Variants in APOOL observed in about 807,000 individuals in gnomAD.
APOOL encodes MICOS complex subunit MIC27.
APOOL carries 12 observed loss-of-function variants against 23.1 expected under a neutral mutation model. The ratio of observed to expected loss-of-function variants is 0.52; its 90% confidence interval spans 0.33 to 0.84. APOOL has a LOEUF of 0.84. APOOL is among the 40% of genes least tolerant of loss of function. The probability of loss-of-function intolerance (pLI) is 0.02; values close to 1 mark genes in which losing one functional copy is unlikely to be tolerated. For synonymous variants in APOOL, 77 were observed against 69.9 expected (o/e 1.10, Z -0.51); for missense variants, 212 against 199.6 (o/e 1.06, Z -0.37).
chrX:85,014,280 A>G (rs1921390219), intron 1 of APOOL, among the ~76,000 whole-genome samples: 1 of 111,163 alleles, frequency 9.0e-6, no homozygotes, highest in Non-Finnish European at 1.9e-5. Context: ...GCCATTCTTT[A>G]TGTTTTAAGT....
intron 8 of APOOL, chrX:85,080,473 T>C (rs1355215522): frequency 8.9e-6 from 1 of 111,988 alleles, no homozygotes; most frequent in Non-Finnish European, 1.9e-5. Flanking sequence ...TTGTGATTTC[T>C]GTTCTTTTAC....
chrX:85,024,233 A>G (rs1689693104), intron 1 of APOOL, among the ~76,000 whole-genome samples: 1 of 111,873 alleles, frequency 8.9e-6, no homozygotes, highest in Non-Finnish European at 1.9e-5. Flanking sequence ...TCACAGTTCA[A>G]GGAGCTTGAG....
chrX:85,015,682 C>T (rs2147473929), intron 1 of APOOL, among the ~76,000 whole-genome samples: 1 of 108,951 alleles, frequency 9.2e-6, no homozygotes, highest in South Asian at 3.9e-4. Context: ...GATTCTCCTG[C>T]CTCAGCCTCC....
In APOOL at chrX:85,059,624, G is replaced by A. The variant is rs756008324; in HGVS notation, c.394+3699G>A. 3.9e-4 allele frequency among the ~76,000 whole-genome samples: 43 copies of A among 109,574 alleles called. No individual in the cohort carries two copies. The East Asian group carries it at 0.012, about 31-fold the overall frequency. ...GGTTTTGATTTGCATTTCTCTGATGGCCAGTGATGATGAGCATTTTTTCAT... is the reference window on the plus strand; with the variant it reads ...GGTTTTGATTTGCATTTCTCTGATGACCAGTGATGATGAGCATTTTTTCAT... On this transcript the variant is annotated intron_variant, in intron 5 of 8. Transcript: ENST00000373173.
intron 1 of APOOL, among the ~76,000 whole-genome samples, chrX:85,020,822 G>A (rs770102811): frequency 9.0e-6 from 1 of 111,701 alleles, no homozygotes; most frequent in East Asian, 2.8e-4. Flanking sequence ...GATACAGCCT[G>A]AAAGCCCACC....
At chrX:85,046,226 G>T (rs1171472352) in intron 1 of APOOL, 1 of 304,645 alleles carries the variant, frequency 3.3e-6, no homozygotes, top group African/African-American at 2.8e-5. Flanking sequence ...TTCTTATGAA[G>T]TAGTTAACAA....
chrX:85,017,849 C>T (rs1400091252), intron 1 of APOOL, among the ~76,000 whole-genome samples: 1 of 112,115 alleles, frequency 8.9e-6, no homozygotes, highest in Non-Finnish European at 1.9e-5. Context: ...GGCAGGTTTT[C>T]ACCCTCTCTC....
At chrX:85,022,371 T>G (rs1921696900) in intron 1 of APOOL, among the ~76,000 whole-genome samples, 1 of 111,636 alleles carries the variant, frequency 9.0e-6, no homozygotes, top group Non-Finnish European at 1.9e-5. Flanking sequence ...AACAGCACAT[T>G]AAAATAATCG....
intron 1 of APOOL, among the ~76,000 whole-genome samples, chrX:85,014,037 A>AT (rs1252499068): frequency 9.0e-5 from 10 of 110,958 alleles, no homozygotes; most frequent in Non-Finnish European, 7.6e-5. Flanking sequence ...AGACTGTGAT[A>AT]TTTTCCTGTT....
rs993853051 is a variant in APOOL, at chrX:85,089,678, G to A, written c.*2000G>A. 1.8e-5 allele frequency: 2 copies of A among 110,995 alleles called. No individual in the cohort carries two copies. The highest frequency in any genetic ancestry group is 3.3e-5 in the African/African-American group (1 of 30,499). The allele number at this position is 110,995 out of a possible 1,213,427, so 9.1% of individuals were successfully genotyped here. On this transcript the variant is annotated 3_prime_UTR_variant, in exon 9 of 9. Coordinates refer to ENST00000373173, the MANE Select transcript of APOOL (RefSeq NM_198450.6). ...ACCCCCATATCTCTCTAGTGCTGTAGACCTTTATTTCTACTTACTAGTTAT... is the reference window on the plus strand; with the variant it reads ...ACCCCCATATCTCTCTAGTGCTGTAAACCTTTATTTCTACTTACTAGTTAT...
At chrX:85,044,617 C>T (rs1186999058) in intron 1 of APOOL, among the ~76,000 whole-genome samples, 1 of 111,048 alleles carries the variant, frequency 9.0e-6, no homozygotes, top group Admixed American at 9.6e-5. Flanking sequence ...GCCATACTGC[C>T]TCCTCAATAA....
At chrX:85,044,493 C>G (rs1224885370) in intron 1 of APOOL, among the ~76,000 whole-genome samples, 6 of 110,330 alleles carry the variant, frequency 5.4e-5, no homozygotes, top group Non-Finnish European at 1.1e-4. Context: ...GTTGGTCAGG[C>G]TGGTCTTGAA....
intron 1 of APOOL, among the ~76,000 whole-genome samples, chrX:85,016,614 G>T (rs1057092440): frequency 9.6e-6 from 1 of 104,610 alleles, no homozygotes; most frequent in African/African-American, 3.4e-5. Flanking sequence ...CATTCCTCTA[G>T]GCTGCGTTCC....
intron 1 of APOOL, among the ~76,000 whole-genome samples, chrX:85,035,783 T>C (rs1434781917): frequency 9.0e-6 from 1 of 111,111 alleles, no homozygotes; most frequent in Non-Finnish European, 1.9e-5. Flanking sequence ...TATTTCTGGG[T>C]TCTCCAACAT....
chrX:85,044,231 G>A (rs773474982), intron 1 of APOOL, among the ~76,000 whole-genome samples: 6 of 108,131 alleles, frequency 5.5e-5, no homozygotes, highest in East Asian at 5.8e-4. Flanking sequence ...AGTAAGTTCC[G>A]TGTAACTCCT....
intron 4 of APOOL, among the ~76,000 whole-genome samples, chrX:85,055,538 A>G (rs1281197502): frequency 8.9e-6 from 1 of 111,978 alleles, no homozygotes; most frequent in African/African-American, 3.2e-5. Flanking sequence ...ATAGTAACCC[A>G]TATTAAGATG....
At chrX:85,020,820 C>G (rs1267990448) in intron 1 of APOOL, among the ~76,000 whole-genome samples, 1 of 111,727 alleles carries the variant, frequency 9.0e-6, no homozygotes, top group Non-Finnish European at 1.9e-5. Flanking sequence ...CAGATACAGC[C>G]TGAAAGCCCA....
At chrX:85,022,143 G>C (rs1297299325) in intron 1 of APOOL, among the ~76,000 whole-genome samples, 1 of 112,275 alleles carries the variant, frequency 8.9e-6, no homozygotes, top group Non-Finnish European at 1.9e-5. Flanking sequence ...CTTCACTGCT[G>C]AATTCTACCA....
At chrX:85,078,489 G>T (rs1923949393) in intron 8 of APOOL, among the ~76,000 whole-genome samples, 1 of 111,571 alleles carries the variant, frequency 9.0e-6, no homozygotes, top group Non-Finnish European at 1.9e-5. Context: ...TTTGGTTAGT[G>T]TAGCCTTGTA....
Sources: gnomAD v4.1 joint callset for allele counts (sites outside exome capture counted in the v4.1 genomes callset) on GRCh38, gnomAD v4.1.1 for gene constraint, MANE v1.5 for transcripts, NCBI Gene and HGNC (gene_info 2026-07-23, HGNC 2026-07-21) for gene names.